HEG1: variants seen among roughly 807,000 people sequenced by gnomAD.
HEG1 encodes protein HEG homolog 1.
In HEG1, 56 loss-of-function variants were observed where a neutral mutation model predicts 125.6. That is an observed-to-expected ratio of 0.45 (90% CI 0.36 to 0.56). The LOEUF is 0.56. Among genes scored for constraint, HEG1 ranks in the 20% least tolerant of loss-of-function variants. The pLI is 0.00. For synonymous variants in HEG1, 644 were observed against 668.5 expected (o/e 0.96, Z 0.57); for missense variants, 1,523 against 1,670.0 (o/e 0.91, Z 1.53).
intron 1 of HEG1, among the ~76,000 whole-genome samples, chr3:125,047,982 A>G (rs1937703351): frequency 6.6e-6 from 1 of 152,000 alleles, no homozygotes; most frequent in African/African-American, 2.4e-5. Context: ...TATCAAATCC[A>G]TTTCTTTGCC....
rs758991037 is a variant in HEG1, at chr3:125,019,270, T to C, written c.1580A>G (p.Glu527Gly). The C allele has an allele frequency of 6.2e-7, 1 of 1,606,338 alleles. No individual in the cohort carries two copies. ...GAAATGGAAAAACTCACTCGAACGT[T>C]CTCCACGTGGTGCTGATGAATTCAA... ...ESLNSSAPRG[E>G]RSIAGISYGQ... is the part of the protein sequence containing the mutation. Residue 527 changes from glutamate to glycine, a missense_variant, in exon 5 of 17, where the codon GAA (glutamate) becomes GGA (glycine). By Grantham distance (98) the Glu-to-Gly change is moderately conservative. Coordinates refer to ENST00000311127, the MANE Select transcript of HEG1 (RefSeq NM_020733.2).
intron 1 of HEG1, among the ~76,000 whole-genome samples, chr3:125,039,243 T>C (rs1326045974): frequency 6.6e-6 from 1 of 152,182 alleles, no homozygotes. Flanking sequence ...AAACATCTGT[T>C]TGTGAACCAG....
intron 8 of HEG1, chr3:125,009,418 A>T (rs984099197): frequency 1.9e-4 from 39 of 202,368 alleles, no homozygotes; most frequent in Non-Finnish European, 2.0e-4. Flanking sequence ...AGATGTTTGT[A>T]CAATGTTTTT....
At chr3:124,998,591 G>A (rs1343104534) in intron 11 of HEG1, among the ~76,000 whole-genome samples, 1 of 152,170 alleles carries the variant, frequency 6.6e-6, no homozygotes, top group Admixed American at 6.5e-5. Flanking sequence ...GGCAGAGAAG[G>A]AGCCCATCTT....
intron 8 of HEG1, among the ~76,000 whole-genome samples, chr3:125,008,806 AAAAAAC>A (rs937049963): frequency 3.6e-4 from 29 of 80,580 alleles, no homozygotes; most frequent in African/African-American, 1.3e-3. Context: ...CAAAAAAAAC[AAAAAAC>A]AAAAAACACA....
At chr3:125,048,169 C>T (rs1390193544) in intron 1 of HEG1, among the ~76,000 whole-genome samples, 1 of 152,076 alleles carries the variant, frequency 6.6e-6, no homozygotes, top group Non-Finnish European at 1.5e-5. Context: ...GACATGAAAG[C>T]TAGAATGAAG....
Position 124,970,044 on chromosome 3 carries a change from T to A in HEG1, c.*608A>T, listed in dbSNP as rs1936398693. On this transcript the variant is annotated 3_prime_UTR_variant, in exon 17 of 17. Coordinates refer to ENST00000311127, the MANE Select transcript of HEG1 (RefSeq NM_020733.2). ...CATTTCCTCACTGTGGGGGCTGGCT[T>A]GGAAACTGTAGCATAAGACAACCTA... The A allele has an allele frequency of 1.3e-5, 2 of 152,252 alleles. No homozygotes were observed. Among genetic ancestry groups the A allele is most frequent in the Admixed American group, 1.3e-4 (2 of 15,276 alleles). The allele number at this position is 152,252 out of a possible 1,614,324, so 9.4% of individuals were successfully genotyped here. A position where few individuals can be genotyped will look rare whatever the true frequency, so the allele number is the denominator to read the frequency against.
intron 1 of HEG1, 130 bp from the exon 2 acceptor site, chr3:125,029,618 G>C: frequency 1.2e-6 from 1 of 831,680 alleles, no homozygotes; most frequent in South Asian, 1.7e-5. Flanking sequence ...GGCCAGGCAT[G>C]ATGGCTCACA....
At chr3:124,996,517 A>G (rs1262158195) in intron 12 of HEG1, among the ~76,000 whole-genome samples, 1 of 152,236 alleles carries the variant, frequency 6.6e-6, no homozygotes, top group Non-Finnish European at 1.5e-5. Flanking sequence ...CTAGTCACAC[A>G]TCAGGACCTA....
chr3:124,999,268 T>C (rs1349415432), intron 11 of HEG1, among the ~76,000 whole-genome samples: 1 of 152,188 alleles, frequency 6.6e-6, no homozygotes, highest in East Asian at 1.9e-4. Context: ...AGAATTTCCT[T>C]TGTTTATTGT....
intron 3 of HEG1, among the ~76,000 whole-genome samples, chr3:125,022,823 G>A (rs1053412072): frequency 3.3e-5 from 5 of 152,116 alleles, no homozygotes; most frequent in Non-Finnish European, 7.4e-5. Context: ...AGCCTCATTA[G>A]CTTGCTAGAG....
intron 1 of HEG1, among the ~76,000 whole-genome samples, chr3:125,050,274 G>C (rs1937775058): frequency 6.6e-6 from 1 of 151,834 alleles, no homozygotes; most frequent in African/African-American, 2.4e-5. Flanking sequence ...CTCCTGAGTA[G>C]CTGGGATTAC....
At chr3:125,012,526 C>A in intron 6 of HEG1, 97 bp downstream of exon 6, 1 of 1,224,520 alleles carries the variant, frequency 8.2e-7, no homozygotes. Context: ...CAAATGCCAG[C>A]CATTTCTACA....
intron 1 of HEG1, among the ~76,000 whole-genome samples, chr3:125,051,755 C>T (rs1479967584): frequency 6.6e-6 from 1 of 152,244 alleles, no homozygotes; most frequent in Non-Finnish European, 1.5e-5. Context: ...AGGGAAGCCA[C>T]TGAAGAAGGC....
Position 125,055,954 on chromosome 3 carries a change from A to AGCGGGCG in HEG1, c.-71_-65dup, listed in dbSNP as rs1164597956. The AGCGGGCG allele has an allele frequency of 3.0e-5, 26 of 861,544 alleles. No homozygotes were observed. Among genetic ancestry groups the AGCGGGCG allele is most frequent in the African/African-American group, 1.1e-4 (6 of 53,878 alleles). 53.4% of individuals were successfully genotyped at this position (861,544 alleles called of 1,614,324 possible). Reference sequence around the variant, plus strand: ...GGGGCGAGGGCAGCGGGCAGCGGGCAGCGGGCGGCGGGGGCCGCGCGGGGC... The same window carrying AGCGGGCG: ...GGGGCGAGGGCAGCGGGCAGCGGGCAGCGGGCGGCGGGCGGCGGGGGCCGCGCGGGGC... On this transcript the variant is annotated 5_prime_UTR_variant, in exon 1 of 17. Transcript: ENST00000311127.
chr3:125,050,985 T>C (rs1045653458), intron 1 of HEG1, among the ~76,000 whole-genome samples: 4 of 152,234 alleles, frequency 2.6e-5, no homozygotes, highest in African/African-American at 9.6e-5. Context: ...CGCCTCCTAC[T>C]GGGCAGGTAT....
intron 7 of HEG1, 67 bp from the exon 8 acceptor site, chr3:125,009,891 G>A: frequency 6.6e-7 from 1 of 1,509,980 alleles, no homozygotes; most frequent in African/African-American, 1.4e-5. Flanking sequence ...ACCCAGTGTA[G>A]TAAGTACTTA....
intron 14 of HEG1, among the ~76,000 whole-genome samples, chr3:124,985,115 C>T (rs1936717244): frequency 6.6e-6 from 1 of 152,096 alleles, no homozygotes; most frequent in Admixed American, 6.5e-5. Flanking sequence ...TATAAATCTG[C>T]ATATTAACTA....
At chr3:124,994,553 TG>T (rs2107693240) in intron 12 of HEG1, among the ~76,000 whole-genome samples, 1 of 151,972 alleles carries the variant, frequency 6.6e-6, no homozygotes, top group African/African-American at 2.4e-5. Flanking sequence ...TCACCCAGGC[TG>T]GAGTGCAGTG....
Sources: gnomAD v4.1 joint callset for allele counts (sites outside exome capture counted in the v4.1 genomes callset) on GRCh38, gnomAD v4.1.1 for gene constraint, MANE v1.5 for transcripts, NCBI Gene and HGNC (gene_info 2026-07-23, HGNC 2026-07-21) for gene names.